Variants in CRTAC1 observed in about 807,000 individuals in gnomAD.
The protein encoded by CRTAC1 is acidic secreted protein in cartilage.
CRTAC1 carries 37 observed loss-of-function variants against 67.8 expected under a neutral mutation model. The observed-to-expected ratio is 0.55, with a 90% CI of 0.42 to 0.72. The LOEUF is 0.72. CRTAC1 is among the 30% of genes least tolerant of loss of function. The pLI is 0.00. For synonymous variants in CRTAC1, 348 were observed against 371.0 expected (o/e 0.94, Z 0.71); for missense variants, 780 against 931.6 (o/e 0.84, Z 2.12).
At position 97,936,307 on chromosome 10, in the gene CRTAC1, A is replaced by T; in HGVS notation, c.284T>A (p.Ile95Asn). The T allele has an allele frequency of 6.2e-7, 1 of 1,613,616 alleles. No individual in the cohort carries two copies. Among genetic ancestry groups the T allele is most frequent in the South Asian group, 1.1e-5 (1 of 91,034 alleles). The change falls in exon 3 of 15, where the codon ATC becomes AAC. Residue 95 changes from isoleucine (I) to asparagine (N), a missense_variant. Physicochemically the swap from Ile to Asn is moderately radical, Grantham distance 149. Coordinates refer to ENST00000370597, the MANE Select transcript of CRTAC1 (RefSeq NM_018058.7). ...GGGTGAGCTGCGCTCATCGACCGCG[A>T]TGTTCACCAGCCGCTTCTGGGCCCG... is the stretch of plus-strand genomic sequence containing the variant. ...YDRAQKRLVN[I>N]AVDERSSPYY...
At chr10:97,886,437 C>T (rs1053518779) in intron 11 of CRTAC1, among the ~76,000 whole-genome samples, 2 of 152,202 alleles carry the variant, frequency 1.3e-5, no homozygotes, top group Non-Finnish European at 2.9e-5. Flanking sequence ...AGAGGCTCAT[C>T]CTCACACACT....
rs1319392411 is a variant in CRTAC1, at chr10:97,895,082, G to T, written c.1486+163C>A. Among the ~76,000 whole-genome samples the T allele has an allele frequency of 1.3e-5, 2 of 152,062 alleles. No homozygotes were observed. Among genetic ancestry groups the T allele is most frequent in the Non-Finnish European group, 2.9e-5 (2 of 68,010 alleles). Reference sequence around the variant, plus strand: ...CAGCACTTCCCACTCGCCTCTTCTTGAGCTCAGGCTCATCTCAGAGTAGGG... The same window carrying T: ...CAGCACTTCCCACTCGCCTCTTCTTTAGCTCAGGCTCATCTCAGAGTAGGG... On this transcript the variant is annotated intron_variant, in intron 11 of 14. Transcript: ENST00000370597. This position sits in a 1 kb window ranked among gnomAD's most constrained non-coding sequence, Gnocchi z 4.2.
chr10:97,939,784 GC>G lies in CRTAC1; in HGVS notation c.225-3419del, dbSNP rs1202567301. On this transcript the variant is annotated intron_variant, in intron 2 of 14. Coordinates refer to ENST00000370597, the MANE Select transcript of CRTAC1 (RefSeq NM_018058.7). ...GCAGCAGTCCCCTCCCACGGGGAATGCTTTCCCCACCTTCCCAGCCTCCCAC... is the reference window on the plus strand; with the variant it reads ...GCAGCAGTCCCCTCCCACGGGGAATGTTTCCCCACCTTCCCAGCCTCCCAC... 2.6e-5 allele frequency among the ~76,000 whole-genome samples: 4 copies of G among 152,216 alleles called. No homozygotes were observed. In the East Asian group the frequency reaches 5.8e-4, roughly 22 times the overall value.
chr10:97,960,384 G>A (rs896147646), intron 2 of CRTAC1, among the ~76,000 whole-genome samples: 4 of 152,158 alleles, frequency 2.6e-5, no homozygotes, highest in African/African-American at 9.7e-5. Context: ...AAGTCAAACT[G>A]GAAACCCTCT....
chr10:97,971,518 G>A (rs937544098), intron 2 of CRTAC1, among the ~76,000 whole-genome samples: 5 of 152,316 alleles, frequency 3.3e-5, no homozygotes, highest in East Asian at 1.9e-4. Context: ...AGAATGGGGA[G>A]TGAGTGTTTA....
intron 1 of CRTAC1, among the ~76,000 whole-genome samples, chr10:98,015,431 A>G (rs1393672479): frequency 1.3e-5 from 2 of 152,280 alleles, no homozygotes; most frequent in South Asian, 2.1e-4. Flanking sequence ...GATGGTGGTG[A>G]TGGTTGTACA....
At chr10:97,933,398 G>T (rs1200808566) in intron 3 of CRTAC1, among the ~76,000 whole-genome samples, 3 of 152,226 alleles carry the variant, frequency 2.0e-5, no homozygotes, top group Admixed American at 2.0e-4. Flanking sequence ...CCTTCACCGT[G>T]TCTGCCTTTC....
intron 2 of CRTAC1, among the ~76,000 whole-genome samples, chr10:97,937,958 G>A (rs1323102587): frequency 6.6e-6 from 1 of 152,248 alleles, no homozygotes; most frequent in African/African-American, 2.4e-5. Flanking sequence ...TAAGGTCTTT[G>A]AGAGAAATCA....
intron 2 of CRTAC1, among the ~76,000 whole-genome samples, chr10:98,007,461 C>T (rs956266093): frequency 6.6e-5 from 10 of 152,192 alleles, no homozygotes; most frequent in African/African-American, 1.4e-4. Context: ...CTTTCTGATG[C>T]GCTGAGAATT....
At chr10:97,918,669 C>G (rs1330458147) in intron 4 of CRTAC1, among the ~76,000 whole-genome samples, 1 of 152,240 alleles carries the variant, frequency 6.6e-6, no homozygotes. Flanking sequence ...GTTGAGCTCA[C>G]AGCAACAAGA....
intron 4 of CRTAC1, among the ~76,000 whole-genome samples, chr10:97,922,438 G>A (rs2050854483): frequency 6.6e-6 from 1 of 152,230 alleles, no homozygotes; most frequent in East Asian, 1.9e-4. Context: ...CAGAATGGGG[G>A]CCATAGACAC....
intron 2 of CRTAC1, among the ~76,000 whole-genome samples, chr10:97,963,233 T>A (rs1333614958): frequency 6.6e-6 from 1 of 152,128 alleles, no homozygotes; most frequent in Non-Finnish European, 1.5e-5. Context: ...GCTTGTGTCA[T>A]CTTTGTTTTG....
At chr10:97,993,150 G>A (rs1019474753) in intron 2 of CRTAC1, among the ~76,000 whole-genome samples, 5 of 152,166 alleles carry the variant, frequency 3.3e-5, no homozygotes, top group Non-Finnish European at 5.9e-5. Flanking sequence ...GTTAGGAACC[G>A]AGAAGAACCA....
intron 11 of CRTAC1, among the ~76,000 whole-genome samples, chr10:97,885,698 AG>A (rs2050273266): frequency 6.6e-6 from 1 of 152,102 alleles, no homozygotes; most frequent in Non-Finnish European, 1.5e-5. Flanking sequence ...CTCTCAGGTC[AG>A]CCCCTGGGAA....
At chr10:98,025,263 T>A (rs1011337431) in intron 1 of CRTAC1, among the ~76,000 whole-genome samples, 7 of 152,192 alleles carry the variant, frequency 4.6e-5, no homozygotes, top group African/African-American at 1.7e-4. Context: ...AGATAATTCC[T>A]TGCTGTGAGA....
At chr10:97,878,758 G>T in intron 14 of CRTAC1, 2 of 1,282,914 alleles carry the variant, frequency 1.6e-6, no homozygotes, top group Non-Finnish European at 2.1e-6. Context: ...TCTTAGAAAG[G>T]AAAGGCCCTT....
chr10:97,943,035 G>T (rs2051201610), intron 2 of CRTAC1, among the ~76,000 whole-genome samples: 1 of 151,778 alleles, frequency 6.6e-6, no homozygotes, highest in Non-Finnish European at 1.5e-5. Flanking sequence ...TCATGCCACT[G>T]CACTCCAGCC....
rs71007374 is a variant in CRTAC1, at chr10:98,029,491, A to AGCGGCG, written c.24+952_24+957dup. Among the ~76,000 whole-genome samples the AGCGGCG allele has an allele frequency of 3.4e-3, 480 of 140,438 alleles. 3 individuals are homozygous for AGCGGCG. Among genetic ancestry groups the AGCGGCG allele is most frequent in the South Asian group, 4.7e-3 (20 of 4,258 alleles). 92.1% of individuals were successfully genotyped at this position (140,438 alleles called of 152,430 possible). A position where few individuals can be genotyped will look rare whatever the true frequency, so the allele number is the denominator to read the frequency against. On this transcript the variant is annotated intron_variant, in intron 1 of 14. Coordinates refer to ENST00000370597, the MANE Select transcript of CRTAC1 (RefSeq NM_018058.7). The surrounding 1 kb of genome is among the most constrained non-coding windows in gnomAD (Gnocchi z 4.7). ...ACTGGGTGCACCCACCAGCAGCAGC[A>AGCGGCG]GCGGCGGCGGCGGCGGCGGCGGCGG...
At chr10:97,983,214 A>C (rs1397214617) in intron 2 of CRTAC1, among the ~76,000 whole-genome samples, 1 of 152,246 alleles carries the variant, frequency 6.6e-6, no homozygotes, top group Admixed American at 6.5e-5. Flanking sequence ...GAAGCCACAG[A>C]GAGAGTTATG....
Sources: allele counts gnomAD v4.1 joint callset (sites outside exome capture counted in the v4.1 genomes callset), GRCh38; gene constraint gnomAD v4.1.1; non-coding constraint Gnocchi (gnomAD v3.1); transcripts MANE v1.5; gene names NCBI Gene and HGNC (gene_info 2026-07-23, HGNC 2026-07-21).